Variants in MEGF10 observed in about 807,000 individuals in gnomAD.
MEGF10 encodes the protein multiple epidermal growth factor-like domains protein 10.
A neutral mutation model predicts 147.5 loss-of-function variants in MEGF10; 86 were observed. The observed-to-expected ratio is 0.58, with a 90% CI of 0.49 to 0.70. MEGF10 has a LOEUF of 0.70. Among genes scored for constraint, MEGF10 ranks in the 30% least tolerant of loss-of-function variants. MEGF10 has a pLI of 0.00. For synonymous variants in MEGF10, 478 were observed against 525.5 expected (o/e 0.91, Z 1.24); for missense variants, 1,329 against 1,487.3 (o/e 0.89, Z 1.75).
At position 127,438,636 on chromosome 5, in the gene MEGF10, G is replaced by A. The variant is rs556090366; in HGVS notation, c.2233+69G>A. On this transcript the variant is annotated intron_variant, in intron 17 of 24. Transcript: ENST00000503335. The stretch of plus-strand genomic sequence containing the variant: ...CAAGGAGGAAACAGCCTTACCCTCC[G>A]CATGCGTGACTGGAGCTCAACAAAG... 1.9e-5 allele frequency: 30 copies of A among 1,548,670 alleles called. No individual in the cohort carries two copies. In the Admixed American group the frequency reaches 3.2e-4, roughly 16 times the overall value.
intron 1 of MEGF10, among the ~76,000 whole-genome samples, chr5:127,317,707 A>G (rs936508999): frequency 6.6e-6 from 1 of 152,182 alleles, no homozygotes; most frequent in Non-Finnish European, 1.5e-5. Context: ...CAATGAGAAC[A>G]CTTGGACACA....
chr5:127,370,102 ACACAGAG>A (rs1762798296), intron 5 of MEGF10, 100 bp downstream of exon 5: 1 of 822,768 alleles, frequency 1.2e-6, no homozygotes, highest in African/African-American at 1.7e-5. Context: ...CTTCATCCCT[ACACAGAG>A]CATAGTGTAA....
At chr5:127,285,953 T>C (rs1759016666), upstream of MEGF10, among the ~76,000 whole-genome samples, 2 of 152,080 alleles carry the variant, frequency 1.3e-5, no homozygotes, top group African/African-American at 4.8e-5. Flanking sequence ...ACGTGGTATA[T>C]ACACAAAGTG....
intron 1 of MEGF10, among the ~76,000 whole-genome samples, chr5:127,325,829 ATATATATATATATACATATATGTGTG>A (rs1561572102): frequency 1.3e-4 from 3 of 22,348 alleles, no homozygotes; most frequent in South Asian, 1.3e-3. Context: ...ATTTGAGAGT[ATATATATATATATACATATATGTGTG>A]TATATATATA....
At chr5:127,274,864 A>AT in the MEGF10 span, among the ~76,000 whole-genome samples, 3,424 of 152,100 alleles carry the variant, frequency 0.023, 47 homozygotes, top group Non-Finnish European at 0.034. Flanking sequence ...TTTATTTACC[A>AT]TTTTTTTCTA....
chr5:127,300,376 G>C (rs779709809), intron 1 of MEGF10, among the ~76,000 whole-genome samples: 11 of 152,042 alleles, frequency 7.2e-5, no homozygotes, highest in Non-Finnish European at 1.6e-4. Flanking sequence ...AAAGTTAAAT[G>C]GTCCCTTTTA....
At chr5:127,378,750 G>A (rs957813001) in intron 5 of MEGF10, among the ~76,000 whole-genome samples, 6 of 152,088 alleles carry the variant, frequency 3.9e-5, no homozygotes, top group South Asian at 2.1e-4. Context: ...ACCGTGCCCC[G>A]CCCCCTACAC....
chr5:127,364,692 A>G (rs1240400138), intron 4 of MEGF10, among the ~76,000 whole-genome samples: 2 of 152,220 alleles, frequency 1.3e-5, no homozygotes, highest in East Asian at 3.8e-4. Context: ...CTCAGATAAA[A>G]GTGTGGGGAA....
intron 1 of MEGF10, among the ~76,000 whole-genome samples, chr5:127,320,403 A>G (rs1760744221): frequency 6.6e-6 from 1 of 152,206 alleles, no homozygotes; most frequent in Admixed American, 6.5e-5. Flanking sequence ...TCCTAACAAT[A>G]TGAGATTGTT....
the MEGF10 span, among the ~76,000 whole-genome samples, chr5:127,282,686 T>C: frequency 6.6e-6 from 1 of 152,222 alleles, no homozygotes; most frequent in Non-Finnish European, 1.5e-5. Context: ...CTTTTCCCAG[T>C]GGTATCCTCT....
intron 9 of MEGF10, among the ~76,000 whole-genome samples, chr5:127,414,214 C>T (rs902854971): frequency 6.6e-6 from 1 of 152,096 alleles, no homozygotes; most frequent in Admixed American, 6.5e-5. Context: ...ATGTCTGGTC[C>T]CCTCAGCAGG....
At chr5:127,299,142 C>T (rs1287124222) in intron 1 of MEGF10, among the ~76,000 whole-genome samples, 1 of 152,178 alleles carries the variant, frequency 6.6e-6, no homozygotes, top group Non-Finnish European at 1.5e-5. Flanking sequence ...TATCTGATTG[C>T]AGGATTTTAT....
Position 127,396,734 on chromosome 5 carries a change from C to T in MEGF10, c.615C>T (p.His205=), listed in dbSNP as rs751443893. 6.8e-6 allele frequency: 11 copies of T among 1,613,974 alleles called. No individual in the cohort carries two copies. The highest frequency in any genetic ancestry group is 2.7e-5 in the African/African-American group (2 of 74,946). ...GCCAGAATGGAGCCACCTGCGACCA[C>T]GTCACGGGGGAATGCCGCTGCCCAC... is the stretch of plus-strand genomic sequence containing the variant. The part of the protein sequence containing the change: ...CQCQNGATCD[H]VTGECRCPPG... The change falls in exon 6 of 25, where the codon CAC becomes CAT. Residue 205 remains histidine, a synonymous_variant. Coordinates refer to ENST00000503335, the MANE Select transcript of MEGF10 (RefSeq NM_001256545.2).
intron 4 of MEGF10, among the ~76,000 whole-genome samples, chr5:127,348,903 T>C (rs1169514534): frequency 1.3e-5 from 2 of 152,120 alleles, no homozygotes; most frequent in African/African-American, 4.8e-5. Flanking sequence ...TAAGCCCAAC[T>C]TACAAATAAG....
At chr5:127,376,747 A>G (rs1763045575) in intron 5 of MEGF10, among the ~76,000 whole-genome samples, 1 of 152,228 alleles carries the variant, frequency 6.6e-6, no homozygotes, top group Non-Finnish European at 1.5e-5. Context: ...TGGCCATAAC[A>G]TACTATAAGA....
chr5:127,311,344 G>A (rs1279185819), intron 1 of MEGF10, among the ~76,000 whole-genome samples: 2 of 152,166 alleles, frequency 1.3e-5, no homozygotes, highest in East Asian at 3.9e-4. Flanking sequence ...CAGCCTGAAG[G>A]ACATTCTTCT....
At chr5:127,290,645 C>T (rs1759203529), upstream of MEGF10, among the ~76,000 whole-genome samples, 1 of 152,344 alleles carries the variant, frequency 6.6e-6, no homozygotes, top group African/African-American at 2.4e-5. Context: ...CCGGGAAGAT[C>T]CTGCATGTTG....
intron 5 of MEGF10, 74 bp from the exon 6 acceptor site, chr5:127,396,458 A>T (rs1314194720): frequency 1.4e-6 from 2 of 1,470,386 alleles, no homozygotes; most frequent in Non-Finnish European, 1.8e-6. Context: ...TCACCAAGCC[A>T]TTCTCCCCGA....
At chr5:127,349,959 C>T (rs1219679556) in intron 4 of MEGF10, among the ~76,000 whole-genome samples, 2 of 152,062 alleles carry the variant, frequency 1.3e-5, no homozygotes, top group Non-Finnish European at 1.5e-5. Flanking sequence ...GCCTAAGTAC[C>T]ATGATAACTG....
Sources: allele counts gnomAD v4.1 joint callset (sites outside exome capture counted in the v4.1 genomes callset), GRCh38; gene constraint gnomAD v4.1.1; transcripts MANE v1.5; gene names NCBI Gene and HGNC (gene_info 2026-07-23, HGNC 2026-07-21).